Variants in TMEM132D observed in about 807,000 individuals in gnomAD.
The protein encoded by TMEM132D is mature OL transmembrane protein.
In TMEM132D, 21 loss-of-function variants were observed where a neutral mutation model predicts 62.3. The ratio of observed to expected loss-of-function variants is 0.34; its 90% CI spans 0.24 to 0.49. The LOEUF (loss-of-function observed/expected upper bound fraction) is 0.49. TMEM132D is among the 20% of genes least tolerant of loss of function. The probability of loss-of-function intolerance (pLI) is 0.99; values close to 1 mark genes in which losing one functional copy is unlikely to be tolerated. For missense variants in TMEM132D, 1,346 were observed against 1,402.8 expected (o/e 0.96, Z 0.65); for synonymous variants, 621 against 575.6 (o/e 1.08, Z -1.13).
chr12:129,652,252 GC>G, intron 2 of TMEM132D, among the ~76,000 whole-genome samples: 1 of 152,284 alleles, frequency 6.6e-6, no homozygotes, highest in East Asian at 1.9e-4. Context: ...AGTTCAGCTG[GC>G]AACCGTGGGG....
chr12:129,606,899 C>G (rs899881666), intron 2 of TMEM132D, among the ~76,000 whole-genome samples: 6 of 152,198 alleles, frequency 3.9e-5, no homozygotes, highest in Non-Finnish European at 8.8e-5. Flanking sequence ...TGCATTTGCT[C>G]ATAGAACAGT....
chr12:129,373,593 C>T (rs775394182), intron 3 of TMEM132D, among the ~76,000 whole-genome samples: 6 of 152,130 alleles, frequency 3.9e-5, no homozygotes, highest in Non-Finnish European at 7.4e-5. Context: ...GATTGAGCCA[C>T]TGCACTCCAG....
intron 5 of TMEM132D, among the ~76,000 whole-genome samples, chr12:129,197,296 G>A (rs1878575871): frequency 6.6e-6 from 1 of 152,130 alleles, no homozygotes; most frequent in African/African-American, 2.4e-5. Context: ...TCCCCAAGCA[G>A]GCAGAGTTTG....
At chr12:129,393,689 G>A (rs904852007) in intron 3 of TMEM132D, among the ~76,000 whole-genome samples, 23 of 152,056 alleles carry the variant, frequency 1.5e-4, no homozygotes, top group African/African-American at 4.8e-4. Context: ...AGTGGCTTCC[G>A]CTCATGAAGA....
At chr12:129,816,113 G>T (rs1395025013) in intron 1 of TMEM132D, among the ~76,000 whole-genome samples, 1 of 139,532 alleles carries the variant, frequency 7.2e-6, no homozygotes, top group African/African-American at 2.7e-5. Flanking sequence ...CAATAAACCT[G>T]CCATGCAGGC....
At chr12:129,482,510 T>G (rs1397142085) in intron 3 of TMEM132D, among the ~76,000 whole-genome samples, 2 of 152,194 alleles carry the variant, frequency 1.3e-5, no homozygotes, top group Non-Finnish European at 2.9e-5. Flanking sequence ...AATGGAAGAC[T>G]TCACCAGGTT....
chr12:129,343,356 C>G (rs1412172805), intron 3 of TMEM132D, among the ~76,000 whole-genome samples: 1 of 147,864 alleles, frequency 6.8e-6, no homozygotes, highest in African/African-American at 2.5e-5. Context: ...TGTTCTCACT[C>G]ATAGGTGGGA....
Position 129,074,398 on chromosome 12 carries a change from A to G in TMEM132D, c.2777T>C (p.Val926Ala). 6.2e-7 allele frequency: 1 copy of G among 1,613,864 alleles called. No homozygotes were observed. The highest frequency in any genetic ancestry group is 8.5e-7 in the Non-Finnish European group (1 of 1,180,002). Residue 926 changes from valine (V) to alanine (A), a missense_variant, in exon 9 of 9, where the codon GTC becomes GCC. Val to Ala is a moderately conservative substitution (Grantham distance 64). Transcript: ENST00000422113. ...LEIGMYALLG[V>A]FCLAILVFLI... is the part of the protein sequence containing the mutation. ...GAAGACCAAAATGGCCAAACAGAAG[A>G]CTCCCAACAAAGCATACATCCCAAT...
rs141334198 is a variant in TMEM132D at position 129,250,200 on chromosome 12, C to T, written c.1300-40537G>A. Among the ~76,000 whole-genome samples the T allele has an allele frequency of 3.5e-3, 539 of 152,288 alleles. 2 individuals are homozygous for T. The highest frequency in any genetic ancestry group is 0.012 in the African/African-American group (517 of 41,574). On this transcript the variant is annotated intron_variant, in intron 4 of 8. Coordinates refer to ENST00000422113, the MANE Select transcript of TMEM132D (RefSeq NM_133448.3). ...GCCTCCTCCTGCCCTCACACCTCCT[C>T]TGGCTCTTCTCAATGACCGAGCCCA... is the stretch of plus-strand genomic sequence containing the variant.
chr12:129,504,736 G>T (rs1043175738), intron 3 of TMEM132D, among the ~76,000 whole-genome samples: 2 of 151,846 alleles, frequency 1.3e-5, no homozygotes, highest in South Asian at 2.1e-4. Flanking sequence ...CTCTGATCTT[G>T]GTTATTTCCT....
chr12:129,904,009 C>T lies in TMEM132D; in HGVS notation c.-670G>A, dbSNP rs1291205839. The stretch of plus-strand genomic sequence containing the variant: ...CCCGGCTGGGGCTCGCGGGGCTCTA[C>T]GCGCGCCGAGCGCACTGCAGGCTCC... On this transcript the variant is annotated 5_prime_UTR_variant, in exon 1 of 9. Coordinates refer to ENST00000422113, the MANE Select transcript of TMEM132D (RefSeq NM_133448.3). Among the ~76,000 whole-genome samples, 3 of 149,842 alleles carry T rather than the reference C, an allele frequency of 2.0e-5. No individual in the cohort carries two copies. Among genetic ancestry groups the T allele is most frequent in the Admixed American group, 2.0e-4 (3 of 15,056 alleles).
chr12:129,712,298 G>C (rs561015563), intron 1 of TMEM132D, among the ~76,000 whole-genome samples: 1 of 151,952 alleles, frequency 6.6e-6, no homozygotes, highest in Non-Finnish European at 1.5e-5. Context: ...CTAATTTTTT[G>C]TATTTTTAGT....
At chr12:129,711,213 A>G (rs1881634786) in intron 1 of TMEM132D, among the ~76,000 whole-genome samples, 1 of 152,192 alleles carries the variant, frequency 6.6e-6, no homozygotes, top group African/African-American at 2.4e-5. Context: ...CAGCTCAGAA[A>G]ATGCAACTTC....
chr12:129,106,066 A>G (rs1266140514), intron 5 of TMEM132D, among the ~76,000 whole-genome samples: 1 of 151,248 alleles, frequency 6.6e-6, no homozygotes, highest in East Asian at 1.9e-4. Flanking sequence ...GCACATATAC[A>G]CCATGGAATA....
chr12:129,589,208 G>C (rs1472297309), intron 2 of TMEM132D, among the ~76,000 whole-genome samples: 2 of 152,118 alleles, frequency 1.3e-5, no homozygotes, highest in Non-Finnish European at 2.9e-5. Flanking sequence ...ACCCCATACT[G>C]TTCTCATTGT....
chr12:129,116,511 A>T (rs1474093324), intron 5 of TMEM132D, among the ~76,000 whole-genome samples: 1 of 152,218 alleles, frequency 6.6e-6, no homozygotes, highest in Non-Finnish European at 1.5e-5. Context: ...AAAAAAAACT[A>T]GTATAGAAAA....
intron 4 of TMEM132D, among the ~76,000 whole-genome samples, chr12:129,239,158 G>A (rs960679319): frequency 1.3e-5 from 2 of 151,998 alleles, no homozygotes; most frequent in African/African-American, 4.8e-5. Flanking sequence ...GTCTGTTCAT[G>A]TTCTTTGCTC....
intron 3 of TMEM132D, among the ~76,000 whole-genome samples, chr12:129,358,742 G>C (rs527443601): frequency 6.6e-6 from 1 of 152,332 alleles, no homozygotes; most frequent in African/African-American, 2.4e-5. Context: ...TTTCTCAGAG[G>C]AGACCATGCT....
intron 2 of TMEM132D, among the ~76,000 whole-genome samples, chr12:129,568,720 T>C (rs1242425704): frequency 4.6e-5 from 7 of 152,230 alleles, no homozygotes; most frequent in Non-Finnish European, 1.0e-4. Flanking sequence ...CTTATTGGTA[T>C]CTCCAATTCA....
Sources: gnomAD v4.1 joint callset for allele counts (sites outside exome capture counted in the v4.1 genomes callset) on GRCh38, gnomAD v4.1.1 for gene constraint, MANE v1.5 for transcripts, NCBI Gene and HGNC (gene_info 2026-07-23, HGNC 2026-07-21) for gene names.